DPP6: variants seen among roughly 807,000 people sequenced by gnomAD.
DPP6 encodes the protein dipeptidyl peptidase like 6, also known as A-type potassium channel modulatory protein DPP6.
In DPP6, 69 loss-of-function variants were observed where a neutral mutation model predicts 122.6. The observed-to-expected ratio is 0.56, with a 90% CI of 0.46 to 0.69. The LOEUF (loss-of-function observed/expected upper bound fraction) is 0.69, where lower values mean the gene tolerates loss of function less well. Among genes scored for constraint, DPP6 ranks in the 30% least tolerant of loss-of-function variants. The pLI, the probability that DPP6 is intolerant of heterozygous loss-of-function variation, is 0.00. For synonymous variants in DPP6, 418 were observed against 433.1 expected, an observed-to-expected ratio of 0.97 and a Z score of 0.43; for missense variants, 928 against 1,116.9, an observed-to-expected ratio of 0.83 and a Z score of 2.41.
At chr7:154,719,510 A>G (rs936663788) in intron 7 of DPP6, among the ~76,000 whole-genome samples, 12 of 152,234 alleles carry the variant, frequency 7.9e-5, no homozygotes, top group Non-Finnish European at 1.2e-4. Flanking sequence ...TGGGGTGTCA[A>G]GTATGGATAC....
At chr7:153,801,956 G>T in the DPP6 span, among the ~76,000 whole-genome samples, 1 of 152,084 alleles carries the variant, frequency 6.6e-6, no homozygotes, top group East Asian at 1.9e-4. Context: ...GGCAAATATT[G>T]ATCTCCTCAT....
At chr7:153,808,394 CCTGTGTGTGTGCCTGTATGTGTGT>C in the DPP6 span, among the ~76,000 whole-genome samples, 8 of 148,294 alleles carry the variant, frequency 5.4e-5, no homozygotes, top group African/African-American at 1.5e-4. Flanking sequence ...TGCGTGTGTG[CCTGTGTGTGTGCCTGTATGTGTGT>C]CTGTGTGTGT....
intron 1 of DPP6, among the ~76,000 whole-genome samples, chr7:153,891,018 ATTTTTTTTTTT>A (rs71182849): frequency 1.7e-5 from 1 of 59,182 alleles, no homozygotes; most frequent in Admixed American, 2.3e-4. Context: ...TTCTATTTTA[ATTTTTTTTTTT>A]TTTTTTTTTT....
chr7:153,930,597 A>G (rs769073561), intron 1 of DPP6, among the ~76,000 whole-genome samples: 4 of 152,220 alleles, frequency 2.6e-5, no homozygotes, highest in Admixed American at 1.3e-4. Flanking sequence ...GTTAATAACA[A>G]TGTTTTGTAT....
chr7:154,463,465 C>A (rs984195805), intron 2 of DPP6, among the ~76,000 whole-genome samples: 1 of 152,066 alleles, frequency 6.6e-6, no homozygotes, highest in Non-Finnish European at 1.5e-5. Context: ...TCTCGGCCTC[C>A]CAAAGTGCTG....
intron 7 of DPP6, among the ~76,000 whole-genome samples, chr7:154,670,886 T>G (rs574887457): frequency 1.3e-5 from 2 of 152,190 alleles, no homozygotes; most frequent in Non-Finnish European, 2.9e-5. Flanking sequence ...GGTGAAACTA[T>G]TAATATTTTA....
At chr7:154,579,509 G>C (rs1287410257) in intron 5 of DPP6, among the ~76,000 whole-genome samples, 3 of 152,220 alleles carry the variant, frequency 2.0e-5, no homozygotes, top group African/African-American at 7.2e-5. Context: ...CACTTTTTAA[G>C]TTACAAAATA....
At chr7:153,849,669 T>C in the DPP6 span, among the ~76,000 whole-genome samples, 2 of 152,198 alleles carry the variant, frequency 1.3e-5, no homozygotes, top group Admixed American at 1.3e-4. Context: ...GGCTGGGTTT[T>C]TAAGTACATA....
Position 154,241,198 on chromosome 7 carries a change from T to C in DPP6, c.243+188135T>C, listed in dbSNP as rs1488310671. 6.7e-6 allele frequency among the ~76,000 whole-genome samples: 1 copy of C among 148,718 alleles called. No homozygotes were observed. The highest frequency in any genetic ancestry group is 2.1e-4 in the South Asian group (1 of 4,750). ...TTCAATATCAATATGTGTGTGTGTG[T>C]GTGTGTGTGTGTGTGTGTGTGTATA... On this transcript the variant is annotated intron_variant, in intron 1 of 25. Coordinates refer to ENST00000377770, the MANE Select transcript of DPP6 (RefSeq NM_130797.4). This position sits in a 1 kb window ranked among gnomAD's most constrained non-coding sequence, Gnocchi z 9.0.
intron 1 of DPP6, among the ~76,000 whole-genome samples, chr7:153,948,151 A>G (rs958118560): frequency 2.6e-5 from 4 of 152,182 alleles, no homozygotes; most frequent in Admixed American, 1.3e-4. Context: ...AAGGGATACA[A>G]TCAACTCATA....
At chr7:154,882,562 G>A (rs1274068486) in intron 21 of DPP6, among the ~76,000 whole-genome samples, 1 of 152,076 alleles carries the variant, frequency 6.6e-6, no homozygotes, top group African/African-American at 2.4e-5. Flanking sequence ...GTCAGGCATC[G>A]CAGGACCTGG....
intron 1 of DPP6, among the ~76,000 whole-genome samples, chr7:153,905,598 G>T: frequency 6.6e-6 from 1 of 150,994 alleles, no homozygotes. Flanking sequence ...TCTTAAAGGG[G>T]ATAAAATGAG....
intron 1 of DPP6, among the ~76,000 whole-genome samples, chr7:154,121,765 G>A (rs1267095900): frequency 6.6e-6 from 1 of 152,230 alleles, no homozygotes; most frequent in Non-Finnish European, 1.5e-5. Context: ...GGGCTTGGCA[G>A]AGTCTAATAA....
intron 1 of DPP6, among the ~76,000 whole-genome samples, chr7:154,170,972 G>C (rs1797506585): frequency 6.6e-6 from 1 of 152,172 alleles, no homozygotes; most frequent in African/African-American, 2.4e-5. Flanking sequence ...CTTTGGGATT[G>C]CGGTGCTGCC....
At position 154,834,707 on chromosome 7, in the gene DPP6, C is replaced by T. The variant is rs144941072; in HGVS notation, c.1667-19073C>T. Reference sequence around the variant, plus strand: ...GACCTTCACTAGACCCTGCCTCTTCCGCTGCTGTGGGATCGTGATGTTCAC... The same window carrying T: ...GACCTTCACTAGACCCTGCCTCTTCTGCTGCTGTGGGATCGTGATGTTCAC... On this transcript the variant is annotated intron_variant, in intron 16 of 25. Coordinates refer to ENST00000377770, the MANE Select transcript of DPP6 (RefSeq NM_130797.4). Among the ~76,000 whole-genome samples the T allele has an allele frequency of 5.2e-4, 79 of 152,298 alleles. No homozygotes were observed. In the East Asian group the frequency reaches 0.013, roughly 25 times the overall value.
At chr7:154,393,456 A>G (rs1433226689) in intron 1 of DPP6, among the ~76,000 whole-genome samples, 2 of 152,238 alleles carry the variant, frequency 1.3e-5, no homozygotes, top group East Asian at 3.9e-4. Context: ...TTTGGTTATA[A>G]TTGTCTTCAG....
intron 1 of DPP6, among the ~76,000 whole-genome samples, chr7:154,116,777 CTCTT>C (rs1417178862): frequency 6.6e-6 from 1 of 152,194 alleles, no homozygotes; most frequent in African/African-American, 2.4e-5. Flanking sequence ...CAAGACCTGT[CTCTT>C]TTATCAGAAG....
chr7:154,402,945 A>G (rs961389554), intron 1 of DPP6, among the ~76,000 whole-genome samples: 3 of 152,226 alleles, frequency 2.0e-5, no homozygotes, highest in Non-Finnish European at 4.4e-5. Flanking sequence ...CTTTAAAAGC[A>G]CATACATTTT....
At chr7:154,183,332 T>C (rs1311241565) in intron 1 of DPP6, among the ~76,000 whole-genome samples, 1 of 152,206 alleles carries the variant, frequency 6.6e-6, no homozygotes, top group African/African-American at 2.4e-5. Context: ...GAACTTCTTT[T>C]AAAGACAGCA....
Sources: allele counts gnomAD v4.1 joint callset (sites outside exome capture counted in the v4.1 genomes callset), GRCh38; gene constraint gnomAD v4.1.1; non-coding constraint Gnocchi (gnomAD v3.1); transcripts MANE v1.5; gene names NCBI Gene and HGNC (gene_info 2026-07-23, HGNC 2026-07-21).